The following PCSK6 variants were observed in gnomAD, a reference collection of about 807,000 sequenced individuals.
PCSK6 encodes proprotein convertase subtilisin/kexin type 6.
In PCSK6, 85 loss-of-function variants were observed where a neutral mutation model predicts 123.3. The observed-to-expected ratio is 0.69, with a 90% CI of 0.58 to 0.83. The LOEUF (loss-of-function observed/expected upper bound fraction) is 0.83, where lower values mean the gene tolerates loss of function less well. Among genes scored for constraint, PCSK6 ranks in the 40% least tolerant of loss-of-function variants. The probability of loss-of-function intolerance (pLI) is 0.00; values close to 1 mark genes in which losing one functional copy is unlikely to be tolerated. For missense variants in PCSK6, 1,191 were observed against 1,282.3 expected, an observed-to-expected ratio of 0.93 and a Z score of 1.09; for synonymous variants, 508 against 516.0, an observed-to-expected ratio of 0.98 and a Z score of 0.21.
intron 1 of PCSK6, among the ~76,000 whole-genome samples, chr15:101,469,654 C>T (rs1162577303): frequency 6.6e-6 from 1 of 152,182 alleles, no homozygotes; most frequent in Non-Finnish European, 1.5e-5. Context: ...AATGGAGCGG[C>T]TAGAGCCGGG....
chr15:101,431,800 A>T (rs1042538289), intron 3 of PCSK6, among the ~76,000 whole-genome samples, 190 bp downstream of exon 3: 1 of 152,312 alleles, frequency 6.6e-6, no homozygotes, highest in African/African-American at 2.4e-5. Flanking sequence ...TGTGCTGCAC[A>T]AAGTTTCAGA....
chr15:101,481,266 T>C (rs2057873225), intron 1 of PCSK6, among the ~76,000 whole-genome samples: 1 of 149,810 alleles, frequency 6.7e-6, no homozygotes, highest in Non-Finnish European at 1.5e-5. Flanking sequence ...TCGGGGTGAG[T>C]CGGCTGATGG....
chr15:101,380,538 G>A lies in PCSK6; in HGVS notation c.1532+1554C>T, dbSNP rs188798050. Among the ~76,000 whole-genome samples, 30 of 152,342 alleles carry A rather than the reference G, an allele frequency of 2.0e-4. 1 individual carries two copies. The highest frequency in any genetic ancestry group is 5.3e-4 in the African/African-American group (22 of 41,572). ...TCTAAGGCTCCTCAGAGAAACCGAC[G>A]CCTTAAGAAGTCAAGACTGAGGCTT... On this transcript the variant is annotated intron_variant, in intron 11 of 21. Transcript: ENST00000611716.
intron 11 of PCSK6, among the ~76,000 whole-genome samples, chr15:101,375,297 G>C (rs2041702344): frequency 7.3e-6 from 1 of 137,110 alleles, no homozygotes. Flanking sequence ...ACTTAGGTGA[G>C]AAATAAAATT....
intron 3 of PCSK6, 96 bp from the exon 4 acceptor site, chr15:101,431,559 G>A: frequency 6.7e-7 from 1 of 1,490,732 alleles, no homozygotes; most frequent in South Asian, 1.2e-5. Flanking sequence ...GCTTAGGCTT[G>A]CAAGTAAAAA....
chr15:101,489,364 C>T lies in PCSK6; in HGVS notation c.297+10G>A. The T allele has an allele frequency of 8.5e-7, 1 of 1,174,818 alleles. No homozygotes were observed. The highest frequency in any genetic ancestry group is 1.1e-6 in the Non-Finnish European group (1 of 947,342). The allele number at this position is 1,174,818 out of a possible 1,614,324, so 72.8% of individuals were successfully genotyped here. A position where few individuals can be genotyped will look rare whatever the true frequency, so the allele number is the denominator to read the frequency against. ...GAAAGTTTTGGGCGCGCGGGGCCGG[C>T]CGCACTCACCTGGCCCAAGTTGAGG... On this transcript the variant is annotated intron_variant, in intron 1 of 21. Coordinates refer to ENST00000611716, the MANE Select transcript of PCSK6 (RefSeq NM_002570.5).
intron 13 of PCSK6, among the ~76,000 whole-genome samples, chr15:101,355,403 A>G (rs1291689925): frequency 6.6e-6 from 1 of 152,220 alleles, no homozygotes; most frequent in Non-Finnish European, 1.5e-5. Context: ...TGGCAGGGGA[A>G]GACTGTGGGA....
chr15:101,430,655 C>T (rs2056418369), intron 4 of PCSK6, among the ~76,000 whole-genome samples: 1 of 152,202 alleles, frequency 6.6e-6, no homozygotes, highest in African/African-American at 2.4e-5. Context: ...GTGTTGTTGA[C>T]ACGTAGTCTG....
At chr15:101,424,466 T>A (rs768442412) in intron 6 of PCSK6, among the ~76,000 whole-genome samples, 1 of 152,116 alleles carries the variant, frequency 6.6e-6, no homozygotes. Context: ...TTGGAGAGAA[T>A]TTTTCACTAG....
intron 21 of PCSK6, among the ~76,000 whole-genome samples, chr15:101,306,485 C>T (rs1395902822): frequency 1.3e-5 from 2 of 152,170 alleles, no homozygotes; most frequent in Non-Finnish European, 2.9e-5. Context: ...GACACTGGAG[C>T]AGAGAGCCTT....
At chr15:101,475,337 C>T (rs1567250268) in intron 1 of PCSK6, among the ~76,000 whole-genome samples, 1 of 152,046 alleles carries the variant, frequency 6.6e-6, no homozygotes. Flanking sequence ...TGAAAAGCAA[C>T]GTACTTAAAA....
At chr15:101,423,617 T>C (rs929661561) in intron 6 of PCSK6, among the ~76,000 whole-genome samples, 2 of 152,040 alleles carry the variant, frequency 1.3e-5, no homozygotes, top group Admixed American at 6.6e-5. Context: ...ATTAGTTAAC[T>C]TGAAGTTCAA....
At chr15:101,472,452 G>A (rs942388778) in intron 1 of PCSK6, among the ~76,000 whole-genome samples, 1 of 152,236 alleles carries the variant, frequency 6.6e-6, no homozygotes, top group African/African-American at 2.4e-5. Context: ...CCAAGCTCGA[G>A]ACTTGCAATC....
chr15:101,483,545 T>C (rs1019814665), intron 1 of PCSK6, among the ~76,000 whole-genome samples: 8 of 152,196 alleles, frequency 5.3e-5, no homozygotes, highest in Non-Finnish European at 8.8e-5. Context: ...AGGGAAAGCA[T>C]GGCATCCAAG....
At chr15:101,314,276 C>T (rs190120118) in intron 19 of PCSK6, among the ~76,000 whole-genome samples, 23 of 152,298 alleles carry the variant, frequency 1.5e-4, no homozygotes, top group Non-Finnish European at 2.6e-4. Flanking sequence ...GAGGACCTGT[C>T]GACCTGGGTC....
intron 9 of PCSK6, among the ~76,000 whole-genome samples, chr15:101,386,827 C>T (rs764613158): frequency 6.6e-5 from 10 of 152,214 alleles, no homozygotes; most frequent in Non-Finnish European, 1.2e-4. Context: ...CGAGTCCCTG[C>T]TTTCAATCCT....
intron 21 of PCSK6, 43 bp downstream of exon 21, chr15:101,307,170 G>T: frequency 6.9e-7 from 1 of 1,443,970 alleles, no homozygotes; most frequent in Non-Finnish European, 9.7e-7. Flanking sequence ...GGCCAGCTGA[G>T]CTCCTCCACA....
At position 101,398,719 on chromosome 15, in the gene PCSK6, C is replaced by T. The variant is rs1399851509; in HGVS notation, c.824-143G>A. ...GGCTGTTCCCAGTCATTCTGCAAAACTGGCTCCTCTTCTCCATGCTGGCTG... is the reference window on the plus strand; with the variant it reads ...GGCTGTTCCCAGTCATTCTGCAAAATTGGCTCCTCTTCTCCATGCTGGCTG... On this transcript the variant is annotated intron_variant, in intron 6 of 21. Coordinates refer to ENST00000611716, the MANE Select transcript of PCSK6 (RefSeq NM_002570.5). This position sits in a 1 kb window ranked among gnomAD's most constrained non-coding sequence, Gnocchi z 4.6. 20 of 876,002 alleles carry T rather than the reference C, an allele frequency of 2.3e-5. No individual in the cohort carries two copies. Among genetic ancestry groups the T allele is most frequent in the Non-Finnish European group, 3.4e-5 (20 of 594,270 alleles). 54.3% of individuals were successfully genotyped at this position (876,002 alleles called of 1,614,324 possible). A position where few individuals can be genotyped will look rare whatever the true frequency, so the allele number is the denominator to read the frequency against.
At chr15:101,416,708 C>T (rs7183957) in intron 6 of PCSK6, among the ~76,000 whole-genome samples, 2 of 152,236 alleles carry the variant, frequency 1.3e-5, no homozygotes, top group African/African-American at 2.4e-5. Flanking sequence ...GTCCTAGCCA[C>T]GTCAGTCGTG....
Sources: gnomAD v4.1 joint callset for allele counts (sites outside exome capture counted in the v4.1 genomes callset) on GRCh38, gnomAD v4.1.1 for gene constraint, Gnocchi (gnomAD v3.1) non-coding constraint, MANE v1.5 for transcripts, NCBI Gene and HGNC (gene_info 2026-07-23, HGNC 2026-07-21) for gene names.